The following IMMP2L variants were observed in gnomAD, a reference collection of about 807,000 sequenced individuals.
IMMP2L encodes the protein mitochondrial inner membrane protease subunit 2.
IMMP2L carries 18 observed loss-of-function variants against 19.3 expected under a neutral mutation model. That is an observed-to-expected ratio of 0.93 (90% CI 0.64 to 1.38). IMMP2L has a LOEUF of 1.38. IMMP2L is among the 40% of genes most tolerant of loss of function. The pLI is 0.00. For missense variants in IMMP2L, 233 were observed against 218.2 expected (o/e 1.07, Z -0.43); for synonymous variants, 76 against 73.0 (o/e 1.04, Z -0.21).
intron 4 of IMMP2L, among the ~76,000 whole-genome samples, chr7:110,892,141 C>G (rs1810864009): frequency 6.6e-6 from 1 of 152,102 alleles, no homozygotes; most frequent in African/African-American, 2.4e-5. Context: ...TGAAGCTGTT[C>G]CCTGACGTTC....
At chr7:111,480,720 T>C (rs563026227) in intron 3 of IMMP2L, among the ~76,000 whole-genome samples, 3 of 151,416 alleles carry the variant, frequency 2.0e-5, no homozygotes, top group African/African-American at 7.3e-5. Context: ...AACTACAAAC[T>C]CAGAAAAATG....
chr7:110,918,678 A>G (rs1294073493), intron 4 of IMMP2L, among the ~76,000 whole-genome samples: 2 of 149,974 alleles, frequency 1.3e-5, no homozygotes, highest in Admixed American at 6.7e-5. Context: ...CTGGTCTTGA[A>G]CTCCTGACCT....
At chr7:111,180,120 T>C (rs1470590702) in intron 3 of IMMP2L, among the ~76,000 whole-genome samples, 1 of 152,040 alleles carries the variant, frequency 6.6e-6, no homozygotes, top group Non-Finnish European at 1.5e-5. Flanking sequence ...TTCACCAGAG[T>C]AGCACTTTTA....
chr7:111,042,189 C>CA (rs1432270310), intron 3 of IMMP2L, among the ~76,000 whole-genome samples: 1 of 151,602 alleles, frequency 6.6e-6, no homozygotes, highest in East Asian at 1.9e-4. Flanking sequence ...AAAGTTTTTT[C>CA]TTTTTTTTGA....
At chr7:111,413,474 C>G (rs1260896396) in intron 3 of IMMP2L, among the ~76,000 whole-genome samples, 2 of 151,676 alleles carry the variant, frequency 1.3e-5, no homozygotes, top group African/African-American at 4.8e-5. Flanking sequence ...ATTACCAAAT[C>G]AAACCCAGCA....
chr7:111,440,392 G>C (rs1837598655), intron 3 of IMMP2L, among the ~76,000 whole-genome samples: 1 of 152,040 alleles, frequency 6.6e-6, no homozygotes, highest in Admixed American at 6.5e-5. Flanking sequence ...GATGGATATT[G>C]TTAGCAAGCA....
chr7:110,864,951 G>T (rs1034830914), intron 5 of IMMP2L, among the ~76,000 whole-genome samples: 8 of 151,620 alleles, frequency 5.3e-5, no homozygotes, highest in Non-Finnish European at 1.0e-4. Context: ...TTTTTAAGTG[G>T]CTATGCTCCA....
chr7:110,958,866 C>G (rs193194239), intron 4 of IMMP2L, among the ~76,000 whole-genome samples: 1 of 151,970 alleles, frequency 6.6e-6, no homozygotes. Flanking sequence ...AAGCACAGAT[C>G]GGCAAAAGCA....
rs779975083 is a variant in IMMP2L at position 111,124,174 on chromosome 7, A to T, written c.240-160609T>A. Reference sequence around the variant, plus strand: ...TTCTGGTCAAAAACTCTTGCCTAATACCCTGACAGACAAGTTCTATGTCCA... The same window carrying T: ...TTCTGGTCAAAAACTCTTGCCTAATTCCCTGACAGACAAGTTCTATGTCCA... On this transcript the variant is annotated intron_variant, in intron 3 of 5. Coordinates refer to ENST00000405709, the MANE Select transcript of IMMP2L (RefSeq NM_032549.4). 1 of 1,613,902 alleles carries T rather than the reference A, an allele frequency of 6.2e-7. No individual in the cohort carries two copies. Among genetic ancestry groups the T allele is most frequent in the Non-Finnish European group, 8.5e-7 (1 of 1,179,962 alleles).
chr7:111,089,779 T>C (rs1295150878), intron 3 of IMMP2L, among the ~76,000 whole-genome samples: 1 of 151,998 alleles, frequency 6.6e-6, no homozygotes, highest in East Asian at 1.9e-4. Context: ...TAAATTCTTA[T>C]AGAAAAAAAC....
At chr7:110,884,208 G>A (rs1386743961) in intron 5 of IMMP2L, among the ~76,000 whole-genome samples, 2 of 151,958 alleles carry the variant, frequency 1.3e-5, no homozygotes, top group Admixed American at 6.6e-5. Flanking sequence ...GTGTGCTGGT[G>A]AAGAACATCA....
intron 5 of IMMP2L, among the ~76,000 whole-genome samples, chr7:110,801,746 T>C (rs1048584646): frequency 1.3e-5 from 2 of 152,074 alleles, no homozygotes; most frequent in African/African-American, 4.8e-5. Flanking sequence ...TGAGGTCCTG[T>C]ACACAGGCAC....
chr7:111,409,796 GA>G (rs1202985804), intron 3 of IMMP2L, among the ~76,000 whole-genome samples: 1 of 151,634 alleles, frequency 6.6e-6, no homozygotes, highest in Non-Finnish European at 1.5e-5. Context: ...TAGAAAAGTG[GA>G]CAAAATATAT....
intron 3 of IMMP2L, among the ~76,000 whole-genome samples, chr7:111,011,495 T>A (rs902433568): frequency 1.7e-4 from 26 of 152,198 alleles, no homozygotes; most frequent in African/African-American, 6.0e-4. Flanking sequence ...AGAGTCCCCT[T>A]ACTATGTCAT....
chr7:111,221,547 A>G (rs1029949475), intron 3 of IMMP2L, among the ~76,000 whole-genome samples: 1 of 152,020 alleles, frequency 6.6e-6, no homozygotes, highest in African/African-American at 2.4e-5. Flanking sequence ...GCCTATACAC[A>G]CTAGCAACAA....
At chr7:111,501,890 A>G (rs570489271) in intron 2 of IMMP2L, among the ~76,000 whole-genome samples, 223 of 152,244 alleles carry the variant, frequency 1.5e-3, no homozygotes, top group Non-Finnish European at 2.5e-3. Context: ...AAAGACCATC[A>G]AGGCTAGGAA....
intron 3 of IMMP2L, among the ~76,000 whole-genome samples, chr7:111,160,994 C>A (rs187765476): frequency 6.6e-6 from 1 of 151,444 alleles, no homozygotes; most frequent in Admixed American, 6.6e-5. Context: ...GAAAAAATGT[C>A]ATTAAATAGA....
intron 4 of IMMP2L, among the ~76,000 whole-genome samples, chr7:110,947,739 G>C (rs1009713438): frequency 2.0e-5 from 3 of 152,114 alleles, no homozygotes; most frequent in African/African-American, 7.2e-5. Flanking sequence ...TGAAATCTAG[G>C]CTTCAGAAGT....
At chr7:111,073,521 CA>C in intron 3 of IMMP2L, among the ~76,000 whole-genome samples, 1 of 152,218 alleles carries the variant, frequency 6.6e-6, no homozygotes, top group Admixed American at 6.5e-5. Context: ...TGTTCTCAGC[CA>C]TATTCTCTCT....
Sources: gnomAD v4.1 joint callset for allele counts (sites outside exome capture counted in the v4.1 genomes callset) on GRCh38, gnomAD v4.1.1 for gene constraint, MANE v1.5 for transcripts, NCBI Gene and HGNC (gene_info 2026-07-23, HGNC 2026-07-21) for gene names.